KRT25: variants seen among roughly 807,000 people sequenced by gnomAD.
The protein encoded by KRT25 is keratin 25.
Under a neutral mutation model 47.6 loss-of-function variants are expected in KRT25, and 37 were observed. The observed-to-expected ratio is 0.78, with a 90% confidence interval of 0.60 to 1.02. KRT25 has a LOEUF of 1.02. KRT25 is among the 50% of genes least tolerant of loss of function. The probability of loss-of-function intolerance (pLI) is 0.00; values close to 1 mark genes in which losing one functional copy is unlikely to be tolerated. For missense variants in KRT25, 542 were observed against 550.3 expected (o/e 0.98, Z 0.15); for synonymous variants, 203 against 210.2 (o/e 0.97, Z 0.30).
At chr17:40,749,222 A>C in intron 7 of KRT25, 36 bp downstream of exon 7, 1 of 1,508,290 alleles carries the variant, frequency 6.6e-7, no homozygotes, top group Non-Finnish European at 9.2e-7. Context: ...AAAAAATAAA[A>C]AATTAGCATT....
intron 7 of KRT25, 46 bp downstream of exon 7, chr17:40,749,212 A>G: frequency 6.9e-7 from 1 of 1,450,598 alleles, no homozygotes; most frequent in Non-Finnish European, 9.7e-7. Flanking sequence ...ATTAAAAGTT[A>G]AAAAATAAAA....
rs2038093126 is a variant in KRT25 at position 40,755,019 on chromosome 17, T to C, written c.253A>G (p.Asn85Asp). The part of the protein sequence containing the change: ...LSGNEKVTMQ[N>D]LNDRLASYLD... ...TAGGATGCCAGGCGGTCATTGAGGT[T>C]CTGCATGGTCACCTTCTCATTGCCA... Residue 85 changes from asparagine to aspartate, a missense_variant, in exon 1 of 8, where the codon AAC becomes GAC. Asn to Asp is a conservative substitution (Grantham distance 23). Coordinates refer to ENST00000312150, the MANE Select transcript of KRT25 (RefSeq NM_181534.4). 1 of 1,614,172 alleles carries C rather than the reference T, an allele frequency of 6.2e-7. No individual in the cohort carries two copies. The highest frequency in any genetic ancestry group is 8.5e-7 in the Non-Finnish European group (1 of 1,180,038).
Position 40,754,559 on chromosome 17 carries a change from G to T in KRT25, c.430-91C>A, listed in dbSNP as rs34344021. ...AATGCTAAATTGGAATTCTCTTTAA[G>T]AAATCACAAGTAGGAGGGCATGGTG... On this transcript the variant is annotated intron_variant, in intron 1 of 7. Coordinates refer to ENST00000312150, the MANE Select transcript of KRT25 (RefSeq NM_181534.4). 470,874 of 1,214,610 alleles carry T rather than the reference G, an allele frequency of 0.39. 96,248 individuals carry two copies. Among genetic ancestry groups the T allele is most frequent in the East Asian group, 0.63 (26,629 of 42,010 alleles). The allele number at this position is 1,214,610 out of a possible 1,614,324, so 75.2% of individuals were successfully genotyped here. A position where few individuals can be genotyped will look rare whatever the true frequency, so the allele number is the denominator to read the frequency against.
chr17:40,750,517 C>A lies in KRT25; in HGVS notation c.1038G>T (p.Gly346=), dbSNP rs370058311. The change falls in exon 6 of 8, where the codon GGG becomes GGT. Residue 346 remains glycine, a synonymous_variant. Coordinates refer to ENST00000312150, the MANE Select transcript of KRT25 (RefSeq NM_181534.4). ...AQLAQIQAQI[G]ALEEQLHQVR... ...CCTGGTGCAGCTGCTCCTCCAGGGC[C>A]CCGATCTGAGCCTGGATCTGCGCCA... 78 of 1,614,058 alleles carry A rather than the reference C, an allele frequency of 4.8e-5. No homozygotes were observed. Among genetic ancestry groups the A allele is most frequent in the Non-Finnish European group, 6.6e-5 (78 of 1,180,030 alleles).
intron 3 of KRT25, among the ~76,000 whole-genome samples, chr17:40,752,071 AC>A (rs1367641692): frequency 1.3e-5 from 2 of 152,040 alleles, no homozygotes; most frequent in Non-Finnish European, 2.9e-5. Flanking sequence ...AAGTTGCTTA[AC>A]CTTTTTACGT....
At chr17:40,752,263 A>G (rs2038056974) in intron 3 of KRT25, among the ~76,000 whole-genome samples, 1 of 152,198 alleles carries the variant, frequency 6.6e-6, no homozygotes, top group African/African-American at 2.4e-5. Context: ...TTTGCAGTCA[A>G]AGTCTACATG....
intron 7 of KRT25, among the ~76,000 whole-genome samples, 161 bp downstream of exon 7, chr17:40,749,097 T>C (rs568981951): frequency 6.6e-6 from 1 of 152,288 alleles, no homozygotes; most frequent in South Asian, 2.1e-4. Context: ...AGATAACTAT[T>C]GGGTACCGGG....
chr17:40,753,626 G>T (rs536450683), intron 3 of KRT25, among the ~76,000 whole-genome samples: 24 of 136,418 alleles, frequency 1.8e-4, no homozygotes, highest in African/African-American at 6.2e-4. Flanking sequence ...GGAGCTTGCA[G>T]TGAGCCAAGA....
Position 40,750,519 on chromosome 17 carries a change from C to G in KRT25, c.1036G>C (p.Gly346Arg), listed in dbSNP as rs535652907. Residue 346 changes from glycine to arginine, a missense_variant, in exon 6 of 8, where the codon GGG (glycine) becomes CGG (arginine). Transcript: ENST00000312150. ...AQLAQIQAQI[G>R]ALEEQLHQVR... ...TGGTGCAGCTGCTCCTCCAGGGCCC[C>G]GATCTGAGCCTGGATCTGCGCCAGC... The G allele has an allele frequency of 1.3e-5, 21 of 1,614,170 alleles. No homozygotes were observed. The highest frequency in any genetic ancestry group is 1.7e-5 in the Admixed American group (1 of 60,022).
intron 3 of KRT25, among the ~76,000 whole-genome samples, chr17:40,752,620 C>A (rs920826083): frequency 6.6e-6 from 1 of 151,886 alleles, no homozygotes; most frequent in Admixed American, 6.6e-5. Context: ...TCATCTATAT[C>A]TATATATCTA....
In KRT25 at chr17:40,753,855, C is replaced by G. The variant is rs757303994; in HGVS notation, c.669+5G>C. ...GATAGCAAAATGTAGACGACCAGCTCTTACCTCTTTATGGTTCTTTTTGAG... is the reference window on the plus strand; with the variant it reads ...GATAGCAAAATGTAGACGACCAGCTGTTACCTCTTTATGGTTCTTTTTGAG... On this transcript the variant is annotated splice_donor_5th_base_variant and intron_variant, in intron 3 of 7. Coordinates refer to ENST00000312150, the MANE Select transcript of KRT25 (RefSeq NM_181534.4). 1.9e-6 allele frequency: 3 copies of G among 1,613,808 alleles called. No individual in the cohort carries two copies. The highest frequency in any genetic ancestry group is 2.5e-6 in the Non-Finnish European group (3 of 1,179,884).
rs879253749 is a variant in KRT25 at position 40,751,284 on chromosome 17, C to A, written c.712G>T (p.Val238Leu). The change falls in exon 4 of 8, where the codon GTG becomes TTG. Residue 238 changes from valine to leucine, a missense_variant. By Grantham distance (32) the Val-to-Leu change is conservative (BLOSUM62 1). Transcript: ENST00000312150. ...LQCAAGGNVNVEMNAAPGVDL... is the reference protein window; with the variant it reads ...LQCAAGGNVNLEMNAAPGVDL... ...ACCCCGGGGGCTGCGTTCATCTCCA[C>A]GTTCACGTTGCCTCCAGCTGCGCAC... 4 of 1,613,924 alleles carry A rather than the reference C, an allele frequency of 2.5e-6. No individual in the cohort carries two copies. The highest frequency in any genetic ancestry group is 2.5e-6 in the Non-Finnish European group (3 of 1,179,900).
intron 3 of KRT25, among the ~76,000 whole-genome samples, chr17:40,751,879 C>CGCGTGTGT (rs2038052466): frequency 2.4e-5 from 2 of 84,180 alleles, no homozygotes; most frequent in African/African-American, 8.8e-5. Context: ...TGTGTGTGTG[C>CGCGTGTGT]GTGCGTGTGT....
At chr17:40,748,893 C>G (rs997065517) in intron 7 of KRT25, among the ~76,000 whole-genome samples, 2 of 152,196 alleles carry the variant, frequency 1.3e-5, no homozygotes, top group African/African-American at 4.8e-5. Flanking sequence ...AAGATCATGT[C>G]TTTTACAGGA....
chr17:40,752,521 C>A (rs1470597402), intron 3 of KRT25, among the ~76,000 whole-genome samples: 1 of 152,138 alleles, frequency 6.6e-6, no homozygotes, highest in African/African-American at 2.4e-5. Context: ...TCTTCCTGAT[C>A]TACAGATGTG....
At position 40,751,092 on chromosome 17, in the gene KRT25, A is replaced by G; in HGVS notation, c.832-13T>C. 1 of 1,614,154 alleles carries G rather than the reference A, an allele frequency of 6.2e-7. No individual in the cohort carries two copies. Among genetic ancestry groups the G allele is most frequent in the South Asian group, 1.1e-5 (1 of 91,076 alleles). On this transcript the variant is annotated splice_polypyrimidine_tract_variant and intron_variant, in intron 4 of 7. Transcript: ENST00000312150. ...GCAGGGAGGCGCTCTGAAATGACATAAGTGAAGGAGCAAATCTTAGTTTTG... is the reference window on the plus strand; with the variant it reads ...GCAGGGAGGCGCTCTGAAATGACATGAGTGAAGGAGCAAATCTTAGTTTTG...
chr17:40,750,498 G>A lies in KRT25; in HGVS notation c.1057C>T (p.His353Tyr), dbSNP rs1381730120. The A allele has an allele frequency of 1.2e-6, 2 of 1,614,154 alleles. No homozygotes were observed. The highest frequency in any genetic ancestry group is 3.3e-5 in the Admixed American group (2 of 60,028). ...AQIGALEEQL[H>Y]QVRTETEGQK... ...CCCTCGGTCTCGGTTCTGACCTGGT[G>A]CAGCTGCTCCTCCAGGGCCCCGATC... The change falls in exon 6 of 8, where the codon CAC becomes TAC. Residue 353 changes from histidine to tyrosine, a missense_variant. By Grantham distance (83) the His-to-Tyr change is moderately conservative. Transcript: ENST00000312150.
intron 3 of KRT25, among the ~76,000 whole-genome samples, chr17:40,751,592 C>T (rs1434268956): frequency 6.6e-6 from 1 of 152,252 alleles, no homozygotes. Context: ...AACTCCTGCT[C>T]TTATAACTTA....
intron 6 of KRT25, among the ~76,000 whole-genome samples, 168 bp from the exon 7 acceptor site, chr17:40,749,493 A>C (rs1353499457): frequency 6.6e-6 from 1 of 152,222 alleles, no homozygotes; most frequent in Non-Finnish European, 1.5e-5. Flanking sequence ...CATTGCTGAT[A>C]TCAAGTCACC....
Sources: allele counts gnomAD v4.1 joint callset (sites outside exome capture counted in the v4.1 genomes callset), GRCh38; gene constraint gnomAD v4.1.1; transcripts MANE v1.5; gene names NCBI Gene and HGNC (gene_info 2026-07-23, HGNC 2026-07-21).